The following NUP210L variants were observed in gnomAD, a reference collection of about 807,000 sequenced individuals.
The protein encoded by NUP210L is nucleoporin 210 like.
In NUP210L, 74 loss-of-function variants were observed where a neutral mutation model predicts 208.5. That is an observed-to-expected ratio of 0.35 (90% confidence interval 0.29 to 0.43). NUP210L has a LOEUF of 0.43. Among genes scored for constraint, NUP210L ranks in the 20% least tolerant of loss-of-function variants. The probability of loss-of-function intolerance (pLI) is 1.00; values close to 1 mark genes in which losing one functional copy is unlikely to be tolerated. For missense variants in NUP210L, 1,843 were observed against 2,289.4 expected, an observed-to-expected ratio of 0.81 and a Z score of 3.98; for synonymous variants, 780 against 816.9, an observed-to-expected ratio of 0.95 and a Z score of 0.77.
chr1:154,091,744 G>T (rs1655928874), intron 15 of NUP210L, among the ~76,000 whole-genome samples: 1 of 151,316 alleles, frequency 6.6e-6, no homozygotes, highest in South Asian at 2.1e-4. Flanking sequence ...CAAATGATCT[G>T]CCCGCTTCGG....
At position 154,060,533 on chromosome 1, in the gene NUP210L, A is replaced by G. The variant is rs375753204; in HGVS notation, c.2850+7T>C. On this transcript the variant is annotated splice_region_variant and intron_variant, in intron 20 of 39. Transcript: ENST00000368559. The stretch of plus-strand genomic sequence containing the variant: ...ACCATCAATCTGGGACTGTCTCTAG[A>G]GCTCACCTCAACAGAGCTTTCTGCT... 1.5e-5 allele frequency: 24 copies of G among 1,582,650 alleles called. No individual in the cohort carries two copies. Among genetic ancestry groups the G allele is most frequent in the Non-Finnish European group, 2.1e-5 (24 of 1,152,100 alleles).
chr1:153,993,203 A>C, intron 38 of NUP210L, 114 bp from the exon 39 acceptor site: 1 of 654,532 alleles, frequency 1.5e-6, no homozygotes, highest in Non-Finnish European at 2.6e-6. Flanking sequence ...AAGTAATAGT[A>C]ATGGCACTAT....
chr1:153,992,727 T>A (rs1000532580), exon 40 of NUP210L: 1 of 732,520 alleles, frequency 1.4e-6, no homozygotes, highest in Non-Finnish European at 2.3e-6. Context: ...TTTATAGTTC[T>A]CAGAAGCCTT....
chr1:154,075,539 C>T lies in NUP210L; in HGVS notation c.2362-5074G>A, dbSNP rs544370386. On this transcript the variant is annotated intron_variant, in intron 16 of 39. Coordinates refer to ENST00000368559, the Ensembl canonical transcript of NUP210L. Reference sequence around the variant, plus strand: ...GTCAAAGAGTACAGATGTTACAGAACTAGTTCAGAAAAGACACTAAATAAA... The same window carrying T: ...GTCAAAGAGTACAGATGTTACAGAATTAGTTCAGAAAAGACACTAAATAAA... 2.8e-4 allele frequency among the ~76,000 whole-genome samples: 43 copies of T among 152,100 alleles called. 1 individual carries two copies. In the South Asian group the frequency reaches 3.5e-3, roughly 12 times the overall value.
At chr1:154,003,849 T>G (rs1231285351) in intron 35 of NUP210L, among the ~76,000 whole-genome samples, 1 of 152,172 alleles carries the variant, frequency 6.6e-6, no homozygotes. Context: ...TCTTGCTTAC[T>G]CCTTCTCTGA....
chr1:154,137,951 A>G (rs1658633035), intron 6 of NUP210L, among the ~76,000 whole-genome samples, 155 bp downstream of exon 6: 1 of 152,196 alleles, frequency 6.6e-6, no homozygotes. Flanking sequence ...ATATGGGGCT[A>G]TTTCTGTCTA....
chr1:154,150,645 T>C (rs1408182159), intron 2 of NUP210L, among the ~76,000 whole-genome samples: 1 of 148,034 alleles, frequency 6.8e-6, no homozygotes, highest in African/African-American at 2.5e-5. Context: ...GGAGAATTGC[T>C]TGAACCCAGG....
chr1:154,014,901 G>A lies in NUP210L; in HGVS notation c.4654-2531C>T, dbSNP rs192827641. On this transcript the variant is annotated intron_variant, in intron 33 of 39. Coordinates refer to ENST00000368559, the Ensembl canonical transcript of NUP210L. ...CACCTGTAGTCCTAGCTACTTGGGA[G>A]GCTGAGGCACGAGAATTGCTTGAAC... Among the ~76,000 whole-genome samples, 182 of 152,332 alleles carry A rather than the reference G, an allele frequency of 1.2e-3. 1 individual carries two copies. Among genetic ancestry groups the A allele is most frequent in the African/African-American group, 4.3e-3 (177 of 41,574 alleles).
intron 10 of NUP210L, among the ~76,000 whole-genome samples, chr1:154,123,325 T>C (rs1445728727): frequency 6.6e-6 from 1 of 151,994 alleles, no homozygotes; most frequent in African/African-American, 2.4e-5. Flanking sequence ...TTTGCATTTT[T>C]AGTAGAGATG....
chr1:154,062,362 C>T (rs1294528071), intron 17 of NUP210L, among the ~76,000 whole-genome samples: 1 of 152,022 alleles, frequency 6.6e-6, no homozygotes, highest in Non-Finnish European at 1.5e-5. Context: ...TTTCATTCTC[C>T]TAAATTGTCC....
intron 2 of NUP210L, among the ~76,000 whole-genome samples, chr1:154,144,201 AAAAT>A (rs1377630602): frequency 1.3e-5 from 2 of 152,142 alleles, no homozygotes; most frequent in Non-Finnish European, 2.9e-5. Context: ...AAATAAATAA[AAAAT>A]AAAAAGTGAA....
chr1:154,088,539 C>T (rs111968722), intron 16 of NUP210L, among the ~76,000 whole-genome samples: 116 of 152,190 alleles, frequency 7.6e-4, no homozygotes, highest in African/African-American at 2.2e-3. Context: ...TCAGAGTGCT[C>T]TAAAAAAATA....
At chr1:154,034,980 T>G (rs1248861733) in intron 27 of NUP210L, among the ~76,000 whole-genome samples, 1 of 151,998 alleles carries the variant, frequency 6.6e-6, no homozygotes, top group African/African-American at 2.4e-5. Flanking sequence ...TAGCTAGGAT[T>G]ACAGGTGTGT....
intron 27 of NUP210L, among the ~76,000 whole-genome samples, chr1:154,030,486 T>C (rs1229712319): frequency 6.6e-6 from 1 of 151,984 alleles, no homozygotes; most frequent in Non-Finnish European, 1.5e-5. Flanking sequence ...TTTGTAGACA[T>C]GGGGTTTCGC....
At chr1:154,138,150 T>C (rs771346748) in exon 6 of NUP210L, 31 of 1,530,522 alleles carry the variant, frequency 2.0e-5, no homozygotes, top group Non-Finnish European at 2.7e-5. Context: ...GTATTTAATA[T>C]ATGTTCCTAC....
intron 1 of NUP210L, among the ~76,000 whole-genome samples, chr1:154,153,372 C>T (rs761055926): frequency 1.3e-5 from 2 of 152,106 alleles, no homozygotes; most frequent in Non-Finnish European, 2.9e-5. Context: ...TGCAGCAGGG[C>T]GATCTCAGCT....
chr1:153,992,892 T>C, exon 40 of NUP210L: 1 of 1,613,618 alleles, frequency 6.2e-7, no homozygotes, highest in Non-Finnish European at 8.5e-7. Flanking sequence ...ATGGAGGTTG[T>C]AGACTCATGA....
At chr1:154,037,356 G>A (rs1652614069) in intron 27 of NUP210L, among the ~76,000 whole-genome samples, 1 of 151,934 alleles carries the variant, frequency 6.6e-6, no homozygotes, top group Non-Finnish European at 1.5e-5. Context: ...TATATATCTG[G>A]GTACTCCAGT....
chr1:154,153,764 T>A (rs1398483175), intron 1 of NUP210L, among the ~76,000 whole-genome samples: 1 of 152,078 alleles, frequency 6.6e-6, no homozygotes, highest in Non-Finnish European at 1.5e-5. Context: ...ATTTTTGGAG[T>A]GATAGAAGAA....
Sources: gnomAD v4.1 joint callset for allele counts (sites outside exome capture counted in the v4.1 genomes callset) on GRCh38, gnomAD v4.1.1 for gene constraint, MANE v1.5 for transcripts, NCBI Gene and HGNC (gene_info 2026-07-23, HGNC 2026-07-21) for gene names.